Variants in ANO1 observed in about 807,000 individuals in gnomAD.
ANO1 encodes the protein anoctamin 1.
ANO1 carries 59 observed loss-of-function variants against 124.0 expected under a neutral mutation model. The ratio of observed to expected loss-of-function variants is 0.48; its 90% CI spans 0.39 to 0.59. The LOEUF (loss-of-function observed/expected upper bound fraction) is 0.59. Among genes scored for constraint, ANO1 ranks in the 20% least tolerant of loss-of-function variants. The probability of loss-of-function intolerance (pLI) is 0.00; values close to 1 mark genes in which losing one functional copy is unlikely to be tolerated. For synonymous variants in ANO1, 529 were observed against 532.0 expected, an observed-to-expected ratio of 0.99 and a Z score of 0.08; for missense variants, 1,059 against 1,328.0, an observed-to-expected ratio of 0.80 and a Z score of 3.15.
chr11:69,976,370 G>A, the ANO1 span, among the ~76,000 whole-genome samples: 39 of 152,128 alleles, frequency 2.6e-4, no homozygotes, highest in Admixed American at 9.8e-4. Context: ...AGCGGTGCAC[G>A]GTGGTGGGCG....
At chr11:70,086,765 A>G (rs1258605687) in intron 1 of ANO1, among the ~76,000 whole-genome samples, 1 of 152,204 alleles carries the variant, frequency 6.6e-6, no homozygotes, top group Non-Finnish European at 1.5e-5. Flanking sequence ...CCCCAGCTGC[A>G]CATAGCGGTG....
intron 21 of ANO1, chr11:70,170,114 C>G (rs1419865951): frequency 6.7e-6 from 3 of 447,176 alleles, no homozygotes; most frequent in Non-Finnish European, 4.5e-6. Flanking sequence ...CCACCCGGAT[C>G]CAGGAGTCCT....
chr11:70,010,166 C>CGT (rs1258959507), intron 1 of ANO1, among the ~76,000 whole-genome samples: 13 of 100,528 alleles, frequency 1.3e-4, no homozygotes, highest in African/African-American at 3.7e-4. Flanking sequence ...TGTGTGTGTG[C>CGT]GCGTGTGTGT....
At chr11:70,084,066 C>T (rs1590682415) in intron 1 of ANO1, among the ~76,000 whole-genome samples, 1 of 152,014 alleles carries the variant, frequency 6.6e-6, no homozygotes, top group East Asian at 1.9e-4. Flanking sequence ...CTGGGGAAGG[C>T]CTGGGGGAGG....
At chr11:70,044,836 C>T (rs1857235484) in intron 1 of ANO1, among the ~76,000 whole-genome samples, 2 of 152,124 alleles carry the variant, frequency 1.3e-5, no homozygotes, top group South Asian at 2.1e-4. Flanking sequence ...CATGACAACT[C>T]CCTGTAATAC....
intron 4 of ANO1, among the ~76,000 whole-genome samples, chr11:70,104,838 G>A (rs556912133): frequency 1.1e-3 from 170 of 152,234 alleles, no homozygotes; most frequent in African/African-American, 4.0e-3. Context: ...ACAGGGTCGG[G>A]GGCATGGAAA....
In ANO1 at chr11:70,118,286, A is replaced by G. The variant is rs564861655; in HGVS notation, c.897+1787A>G. On this transcript the variant is annotated intron_variant, in intron 8 of 25. Transcript: ENST00000355303. Reference sequence around the variant, plus strand: ...GGCTGATGGTCACGTCAGTGCCAGGACTAGCTCATTCAGTTACTTATTCAT... The same window carrying G: ...GGCTGATGGTCACGTCAGTGCCAGGGCTAGCTCATTCAGTTACTTATTCAT... Among the ~76,000 whole-genome samples the G allele has an allele frequency of 5.3e-5, 8 of 151,756 alleles. No individual in the cohort carries two copies. In the East Asian group the frequency reaches 1.6e-3, roughly 30 times the overall value.
At chr11:70,165,393 G>A in intron 19 of ANO1, 77 bp from the exon 20 acceptor site, 1 of 1,234,678 alleles carries the variant, frequency 8.1e-7, no homozygotes, top group Non-Finnish European at 1.2e-6. Context: ...CACAGCATGA[G>A]GGTGGGCCTC....
chr11:70,119,335 G>T (rs571705676), intron 8 of ANO1, among the ~76,000 whole-genome samples: 44 of 144,556 alleles, frequency 3.0e-4, no homozygotes, highest in African/African-American at 1.1e-3. Context: ...ATGATGGAAG[G>T]ATGAATGATG....
intron 1 of ANO1, among the ~76,000 whole-genome samples, chr11:70,007,313 G>A (rs1274203312): frequency 1.5e-5 from 2 of 133,628 alleles, no homozygotes; most frequent in Admixed American, 8.5e-5. Flanking sequence ...GTCTCGCTTA[G>A]TCACCCAGGC....
At chr11:70,118,576 A>G (rs868776348) in intron 8 of ANO1, among the ~76,000 whole-genome samples, 2 of 138,138 alleles carry the variant, frequency 1.4e-5, no homozygotes, top group Admixed American at 7.3e-5. Flanking sequence ...ATGGATGGAT[A>G]GATGGATGGA....
At chr11:70,159,434 T>C (rs2047956068) in intron 16 of ANO1, among the ~76,000 whole-genome samples, 1 of 152,164 alleles carries the variant, frequency 6.6e-6, no homozygotes, top group South Asian at 2.1e-4. Flanking sequence ...GGATATTGGA[T>C]AGGGAAGTAG....
chr11:70,129,333 C>G (rs1407155955), intron 10 of ANO1: 1 of 152,264 alleles, frequency 6.6e-6, no homozygotes, highest in African/African-American at 2.4e-5. Context: ...TTTAATCCTC[C>G]TGACAACCTA....
chr11:70,031,087 G>A (rs1004063074), intron 1 of ANO1, among the ~76,000 whole-genome samples: 1 of 152,098 alleles, frequency 6.6e-6, no homozygotes, highest in Non-Finnish European at 1.5e-5. Flanking sequence ...TGGGATTACA[G>A]GCATGTGCCA....
At chr11:69,966,126 G>A in the ANO1 span, among the ~76,000 whole-genome samples, 9 of 152,238 alleles carry the variant, frequency 5.9e-5, no homozygotes, top group Admixed American at 1.3e-4. Context: ...ACTCAGGGTG[G>A]CCCCGCAATG....
chr11:70,027,522 G>T (rs1555003359), intron 1 of ANO1, among the ~76,000 whole-genome samples: 1 of 152,234 alleles, frequency 6.6e-6, no homozygotes, highest in African/African-American at 2.4e-5. Flanking sequence ...GGCCCATCTG[G>T]GTTGGATGGC....
At chr11:70,180,328 A>AGTGG (rs1383325502) in intron 23 of ANO1, among the ~76,000 whole-genome samples, 2 of 151,978 alleles carry the variant, frequency 1.3e-5, no homozygotes, top group Non-Finnish European at 2.9e-5. Context: ...GCTGCAGTAC[A>AGTGG]GTGGCACGAT....
chr11:70,022,993 C>G (rs1048900124), intron 1 of ANO1, among the ~76,000 whole-genome samples: 3 of 152,110 alleles, frequency 2.0e-5, no homozygotes, highest in Non-Finnish European at 4.4e-5. Flanking sequence ...GAGGCAGGGG[C>G]CACAAGGCAA....
intron 1 of ANO1, among the ~76,000 whole-genome samples, chr11:70,079,891 G>T (rs781380007): frequency 6.6e-6 from 1 of 152,206 alleles, no homozygotes; most frequent in Non-Finnish European, 1.5e-5. Context: ...GGGGTGGCCT[G>T]GGGGCATCTC....
Sources: allele counts gnomAD v4.1 joint callset (sites outside exome capture counted in the v4.1 genomes callset), GRCh38; gene constraint gnomAD v4.1.1; transcripts MANE v1.5; gene names NCBI Gene and HGNC (gene_info 2026-07-23, HGNC 2026-07-21).